FOCAD: variants seen among roughly 807,000 people sequenced by gnomAD.
FOCAD encodes the protein focadhesin, also known as KIAA1797.
In FOCAD, 198 loss-of-function variants were observed where a neutral mutation model predicts 225.6. The ratio of observed to expected loss-of-function variants is 0.88; its 90% CI spans 0.78 to 0.99. The LOEUF is 0.99. Ranked by LOEUF, FOCAD falls within the 50% of genes least tolerant of loss-of-function variation. FOCAD has a pLI of 0.00. For missense variants in FOCAD, 2,713 were observed against 2,123.6 expected (o/e 1.28, Z -5.46); for synonymous variants, 897 against 755.0 (o/e 1.19, Z -3.08).
intron 1 of FOCAD, among the ~76,000 whole-genome samples, chr9:20,686,591 G>C (rs1461690864): frequency 1.3e-5 from 2 of 152,158 alleles, no homozygotes; most frequent in East Asian, 1.9e-4. Context: ...AACAAATCTT[G>C]ATCTTAATCA....
intron 14 of FOCAD, among the ~76,000 whole-genome samples, chr9:20,822,601 C>G (rs1587305391): frequency 6.6e-6 from 1 of 151,974 alleles, no homozygotes; most frequent in Non-Finnish European, 1.5e-5. Flanking sequence ...TTTTCAAATT[C>G]CTGCTTTTGT....
At chr9:20,802,656 A>G (rs930939169) in intron 11 of FOCAD, among the ~76,000 whole-genome samples, 1 of 152,162 alleles carries the variant, frequency 6.6e-6, no homozygotes, top group Non-Finnish European at 1.5e-5. Flanking sequence ...ATTCAGACTA[A>G]TAGATGAAAC....
intron 37 of FOCAD, among the ~76,000 whole-genome samples, chr9:20,980,379 C>A (rs1446161631): frequency 6.6e-6 from 1 of 152,128 alleles, no homozygotes; most frequent in African/African-American, 2.4e-5. Context: ...AGACCTATTT[C>A]CAGCCTGTTG....
intron 1 of FOCAD, among the ~76,000 whole-genome samples, chr9:20,695,102 G>A (rs1174388777): frequency 6.6e-6 from 1 of 152,126 alleles, no homozygotes; most frequent in African/African-American, 2.4e-5. Flanking sequence ...TCTGCAAGTG[G>A]TATTGTCCTG....
In FOCAD at chr9:20,789,513, C is replaced by G. The variant is rs774993937; in HGVS notation, c.1360C>G (p.Leu454Val). ...ITAVIPAPAFLLLAHLLVEDK... is the reference protein window; with the variant it reads ...ITAVIPAPAFVLLAHLLVEDK... ...TGCTGTGATCCCTGCGCCTGCCTTT[C>G]TTCTGCTGGCTCACCTCCTTGTTGA... The change falls in exon 11 of 44, where the codon CTT (leucine) becomes GTT (valine). Residue 454 changes from leucine to valine, a missense_variant. Coordinates refer to ENST00000338382, the MANE Select transcript of FOCAD (RefSeq NM_001375567.1). 1.2e-5 allele frequency: 20 copies of G among 1,614,028 alleles called. No homozygotes were observed. The Admixed American group carries it at 3.3e-4, about 27-fold the overall frequency.
At chr9:20,908,131 C>T (rs1320230251) in intron 22 of FOCAD, among the ~76,000 whole-genome samples, 1 of 151,988 alleles carries the variant, frequency 6.6e-6, no homozygotes, top group Non-Finnish European at 1.5e-5. Context: ...GTTAACAATA[C>T]AAGAAAACAA....
At chr9:20,908,108 T>G (rs906000501) in intron 22 of FOCAD, among the ~76,000 whole-genome samples, 17 of 152,116 alleles carry the variant, frequency 1.1e-4, no homozygotes, top group Non-Finnish European at 2.9e-5. Flanking sequence ...TTTAATCAGT[T>G]GGGGAATATA....
At chr9:20,924,565 A>G (rs1834762570) in intron 25 of FOCAD, among the ~76,000 whole-genome samples, 1 of 152,204 alleles carries the variant, frequency 6.6e-6, no homozygotes, top group African/African-American at 2.4e-5. Flanking sequence ...CTAAGCTCTT[A>G]TTAATAATAA....
At chr9:20,884,282 A>C (rs1417762398) in intron 20 of FOCAD, among the ~76,000 whole-genome samples, 1 of 152,208 alleles carries the variant, frequency 6.6e-6, no homozygotes, top group East Asian at 1.9e-4. Flanking sequence ...ATGAGTCAAT[A>C]AGTAATATAC....
chr9:20,885,430 G>C (rs1202639706), intron 21 of FOCAD, 200 bp downstream of exon 21: 1 of 343,956 alleles, frequency 2.9e-6, no homozygotes, highest in Non-Finnish European at 4.9e-6. Flanking sequence ...TTCCCCCACT[G>C]CCCAGCGTAT....
rs78863704 is a variant in FOCAD, at chr9:20,929,168, A to G, written c.3079-190A>G. The G allele has an allele frequency of 1.5e-3, 833 of 545,830 alleles. 6 individuals carry two copies. Among genetic ancestry groups the G allele is most frequent in the African/African-American group, 0.014 (761 of 52,892 alleles). 33.8% of individuals were successfully genotyped at this position (545,830 alleles called of 1,614,324 possible). A position where few individuals can be genotyped will look rare whatever the true frequency, so the allele number is the denominator to read the frequency against. On this transcript the variant is annotated intron_variant, in intron 26 of 43. Coordinates refer to ENST00000338382, the MANE Select transcript of FOCAD (RefSeq NM_001375567.1). Reference sequence around the variant, plus strand: ...AGGATATTATTAATTATTTAGTAGCAAAACATTTCATTAATAATGAAAACA... The same window carrying G: ...AGGATATTATTAATTATTTAGTAGCGAAACATTTCATTAATAATGAAAACA...
At chr9:20,714,198 A>T (rs944593070) in intron 1 of FOCAD, among the ~76,000 whole-genome samples, 2 of 152,310 alleles carry the variant, frequency 1.3e-5, no homozygotes, top group Middle Eastern at 3.4e-3. Context: ...TGAAAATCCA[A>T]TCTGAAAATC....
chr9:20,887,780 G>T (rs1448011767), intron 21 of FOCAD, among the ~76,000 whole-genome samples: 1 of 152,100 alleles, frequency 6.6e-6, no homozygotes, highest in Non-Finnish European at 1.5e-5. Context: ...TTTTCCTAGT[G>T]GCTGTCTTAT....
chr9:20,925,690 C>T (rs577227233), intron 25 of FOCAD, among the ~76,000 whole-genome samples: 2 of 152,228 alleles, frequency 1.3e-5, no homozygotes, highest in East Asian at 1.9e-4. Context: ...ACTTTAATAA[C>T]CAAGTTTTAT....
chr9:20,961,861 AT>A (rs1838762356), intron 35 of FOCAD, among the ~76,000 whole-genome samples: 1 of 152,136 alleles, frequency 6.6e-6, no homozygotes, highest in South Asian at 2.1e-4. Context: ...GCCTTGGGAT[AT>A]TTTTGCTTTT....
intron 2 of FOCAD, among the ~76,000 whole-genome samples, chr9:20,659,228 C>G (rs894956559): frequency 7.1e-6 from 1 of 141,054 alleles, no homozygotes; most frequent in African/African-American, 2.6e-5. Context: ...CCCCTCCCCC[C>G]GCCCCACACA....
At chr9:20,949,582 G>A (rs374513702) in intron 32 of FOCAD, 22 bp from the exon 33 acceptor site, 7 of 936,508 alleles carry the variant, frequency 7.5e-6, no homozygotes, top group South Asian at 1.3e-5. Flanking sequence ...GGTGGGATGG[G>A]TATTTCTTCT....
intron 11 of FOCAD, among the ~76,000 whole-genome samples, chr9:20,801,752 T>C (rs1431510448): frequency 6.6e-6 from 1 of 152,130 alleles, no homozygotes; most frequent in Non-Finnish European, 1.5e-5. Context: ...TTTAATTTTC[T>C]TGTTGGGGTG....
At chr9:20,972,396 T>G (rs951081357) in intron 35 of FOCAD, among the ~76,000 whole-genome samples, 5 of 152,156 alleles carry the variant, frequency 3.3e-5, no homozygotes, top group Non-Finnish European at 7.3e-5. Flanking sequence ...TCCTTCTGAT[T>G]AGTGATATTG....
Sources: gnomAD v4.1 joint callset for allele counts (sites outside exome capture counted in the v4.1 genomes callset) on GRCh38, gnomAD v4.1.1 for gene constraint, MANE v1.5 for transcripts, NCBI Gene and HGNC (gene_info 2026-07-23, HGNC 2026-07-21) for gene names.